Variants in PCDHGA7 observed in about 807,000 individuals in gnomAD.
The protein encoded by PCDHGA7 is protocadherin gamma subfamily A, 7, also known as protocadherin gamma-A7.
Under a neutral mutation model 58.3 loss-of-function variants are expected in PCDHGA7, and 44 were observed. The observed-to-expected ratio is 0.75, with a 90% confidence interval of 0.59 to 0.97. The LOEUF is 0.97. Among genes scored for constraint, PCDHGA7 ranks in the 50% least tolerant of loss-of-function variants. The pLI, the probability that PCDHGA7 is intolerant of heterozygous loss-of-function variation, is 0.00. For synonymous variants in PCDHGA7, 516 were observed against 504.2 expected (o/e 1.02, Z -0.31); for missense variants, 1,266 against 1,188.7 (o/e 1.06, Z -0.96).
chr5:141,452,459 C>T (rs545368648), intron 1 of PCDHGA7, among the ~76,000 whole-genome samples: 38 of 152,246 alleles, frequency 2.5e-4, no homozygotes, highest in Middle Eastern at 6.8e-3. Context: ...TGTCAGCAGA[C>T]GGAGCTAGGA....
Position 141,382,806 on chromosome 5 carries a change from C to G in PCDHGA7, c.-94C>G. On this transcript the variant is annotated 5_prime_UTR_variant, in exon 1 of 4. Coordinates refer to ENST00000518325, the MANE Select transcript of PCDHGA7 (RefSeq NM_018920.4). ...AGCCTCTATCCTGCTGGATTCTGAG[C>G]TCCCCTTCCTAAGACAGAGGGGTCC... 1 of 1,097,502 alleles carries G rather than the reference C, an allele frequency of 9.1e-7. No homozygotes were observed. Among genetic ancestry groups the G allele is most frequent in the South Asian group, 1.6e-5 (1 of 61,028 alleles). The allele number at this position is 1,097,502 out of a possible 1,614,324, so 68.0% of individuals were successfully genotyped here. A position where few individuals can be genotyped will look rare whatever the true frequency, so the allele number is the denominator to read the frequency against.
Position 141,476,977 on chromosome 5 carries a change from C to A in PCDHGA7, c.2425-17830C>A, listed in dbSNP as rs141692339. On this transcript the variant is annotated intron_variant, in intron 1 of 3. Coordinates refer to ENST00000518325, the MANE Select transcript of PCDHGA7 (RefSeq NM_018920.4). The surrounding 1 kb of genome is among the most constrained non-coding windows in gnomAD (Gnocchi z 7.6). The stretch of plus-strand genomic sequence containing the variant: ...TTATTTACTCCTTCGGCAGCCACAA[C>A]CGCGCCGGCGTGCGGCAACTATTCG... 6.2e-7 allele frequency: 1 copy of A among 1,614,232 alleles called. No individual in the cohort carries two copies. The highest frequency in any genetic ancestry group is 8.5e-7 in the Non-Finnish European group (1 of 1,180,040).
intron 1 of PCDHGA7, among the ~76,000 whole-genome samples, chr5:141,445,978 TTATAAA>T (rs551337386): frequency 6.6e-6 from 1 of 152,272 alleles, no homozygotes; most frequent in East Asian, 1.9e-4. Context: ...TTTATGAGGG[TTATAAA>T]TAGAAATAGG....
intron 1 of PCDHGA7, chr5:141,442,419 T>TG (rs1214499832): frequency 1.3e-5 from 2 of 152,192 alleles, no homozygotes; most frequent in African/African-American, 4.8e-5. Context: ...AGTGAACTTC[T>TG]TTTTTGAATC....
At chr5:141,412,903 G>C (rs2095586511) in intron 1 of PCDHGA7, 1 of 376,030 alleles carries the variant, frequency 2.7e-6, no homozygotes, top group African/African-American at 2.1e-5. Context: ...ACTTTCCATT[G>C]CATGTATCAC....
At position 141,491,687 on chromosome 5, in the gene PCDHGA7, G is replaced by T. The variant is rs946829558; in HGVS notation, c.2425-3120G>T. 6.2e-7 allele frequency: 1 copy of T among 1,613,072 alleles called. No individual in the cohort carries two copies. Among genetic ancestry groups the T allele is most frequent in the African/African-American group, 1.3e-5 (1 of 75,046 alleles). On this transcript the variant is annotated intron_variant, in intron 1 of 3. Transcript: ENST00000518325. This position sits in a 1 kb window ranked among gnomAD's most constrained non-coding sequence, Gnocchi z 6.9. ...ATCCGGTCCCGCTCTAATACGCTGC[G>T]GGAGCGGAGCCAGGTGAGGGGCTCG...
chr5:141,460,912 G>GTGTA (rs145509489), intron 1 of PCDHGA7, among the ~76,000 whole-genome samples: 34,285 of 149,232 alleles, frequency 0.23, 4,672 homozygotes, highest in African/African-American at 0.39. Flanking sequence ...ATTCCATGGT[G>GTGTA]TATATATATA....
intron 1 of PCDHGA7, among the ~76,000 whole-genome samples, chr5:141,474,075 C>T (rs2099339724): frequency 6.6e-6 from 1 of 151,902 alleles, no homozygotes; most frequent in African/African-American, 2.4e-5. Flanking sequence ...GCCTCAGAAA[C>T]AAAAACCAAA....
chr5:141,438,721 G>A (rs886300746), intron 1 of PCDHGA7, among the ~76,000 whole-genome samples: 30 of 148,304 alleles, frequency 2.0e-4, no homozygotes, highest in Non-Finnish European at 7.4e-5. Flanking sequence ...AGTGCAAGTG[G>A]TGTGATCTCA....
intron 1 of PCDHGA7, chr5:141,478,511 C>CA: frequency 3.1e-6 from 5 of 1,611,778 alleles, no homozygotes; most frequent in Non-Finnish European, 4.2e-6. Context: ...GTTCTATAGG[C>CA]AGGTGTTGGG....
chr5:141,398,781 A>G, intron 1 of PCDHGA7: 1 of 1,613,934 alleles, frequency 6.2e-7, no homozygotes, highest in South Asian at 1.1e-5. Flanking sequence ...TGGACGGTGG[A>G]CATCCACCCC....
intron 1 of PCDHGA7, chr5:141,398,756 T>C: frequency 1.9e-6 from 3 of 1,613,924 alleles, no homozygotes; most frequent in Non-Finnish European, 2.5e-6. Context: ...TACCATCGTT[T>C]AGTCCTGACT....
intron 1 of PCDHGA7, chr5:141,399,391 G>C: frequency 2.5e-6 from 4 of 1,613,964 alleles, no homozygotes; most frequent in Non-Finnish European, 3.4e-6. Flanking sequence ...CACAGCCACA[G>C]ACAGGGGCAA....
rs1190624035 is a variant in PCDHGA7, at chr5:141,432,332, T to G, written c.2424+47009T>G. ...GCTGAGCTCCTTCGACTACGAGCAG[T>G]TCCGAGACTTGCAAGTGAAAGTGAT... On this transcript the variant is annotated intron_variant, in intron 1 of 3. Coordinates refer to ENST00000518325, the MANE Select transcript of PCDHGA7 (RefSeq NM_018920.4). The surrounding 1 kb of genome is among the most constrained non-coding windows in gnomAD (Gnocchi z 6.0). The G allele has an allele frequency of 2.5e-6, 4 of 1,614,116 alleles. No homozygotes were observed. In the African/African-American group the frequency reaches 5.3e-5, roughly 22 times the overall value.
intron 1 of PCDHGA7, chr5:141,412,984 C>G: frequency 1.8e-6 from 1 of 558,874 alleles, no homozygotes; most frequent in Non-Finnish European, 3.0e-6. Flanking sequence ...GCAGCCAGAG[C>G]TCAATCCGGA....
rs532725430 is a variant in PCDHGA7, at chr5:141,429,107, G to A, written c.2424+43784G>A. On this transcript the variant is annotated intron_variant, in intron 1 of 3. Transcript: ENST00000518325. ...CTGACCTCGTGATCTGCCCGCCTCG[G>A]CCTCCCAAAGTGCTGGGATTATAGG... The A allele has an allele frequency of 3.8e-3, 579 of 152,026 alleles. 5 individuals are homozygous for A. Among genetic ancestry groups the A allele is most frequent in the Admixed American group, 0.011 (166 of 15,232 alleles). The allele number at this position is 152,026 out of a possible 1,614,324, so 9.4% of individuals were successfully genotyped here. A position where few individuals can be genotyped will look rare whatever the true frequency, so the allele number is the denominator to read the frequency against.
At chr5:141,430,687 T>A in intron 1 of PCDHGA7, 3 of 1,399,922 alleles carry the variant, frequency 2.1e-6, no homozygotes, top group Non-Finnish European at 9.5e-7. Flanking sequence ...TGTCCCATTC[T>A]ATGGGCGAAG....
chr5:141,511,276 T>A lies in PCDHGA7; in HGVS notation c.*103T>A. ...AGAGTTTCAGGGCTAACCCCCAGAA[T>A]ACTGGTAGGGGCCAAGGCCATGCTC... On this transcript the variant is annotated 3_prime_UTR_variant, in exon 4 of 4. Coordinates refer to ENST00000518325, the MANE Select transcript of PCDHGA7 (RefSeq NM_018920.4). 6.5e-7 allele frequency: 1 copy of A among 1,538,086 alleles called. No homozygotes were observed. Among genetic ancestry groups the A allele is most frequent in the Non-Finnish European group, 8.8e-7 (1 of 1,140,722 alleles).
intron 1 of PCDHGA7, chr5:141,386,063 G>A (rs2090447648): frequency 6.6e-6 from 1 of 152,220 alleles, no homozygotes; most frequent in South Asian, 2.1e-4. Flanking sequence ...GAGAATTCCA[G>A]TATGTTGTTT....
Sources: gnomAD v4.1 joint callset for allele counts (sites outside exome capture counted in the v4.1 genomes callset) on GRCh38, gnomAD v4.1.1 for gene constraint, Gnocchi (gnomAD v3.1) non-coding constraint, MANE v1.5 for transcripts, NCBI Gene and HGNC (gene_info 2026-07-23, HGNC 2026-07-21) for gene names.